Variants in HTRA3 observed in about 807,000 individuals in gnomAD.
HTRA3 encodes HtrA serine peptidase 3, also known as serine protease HTRA3.
HTRA3 carries 41 observed loss-of-function variants against 43.2 expected under a neutral mutation model. The observed-to-expected ratio is 0.95, with a 90% CI of 0.74 to 1.23. The LOEUF is 1.23. Among genes scored for constraint, HTRA3 ranks in the 50% most tolerant of loss-of-function variants. HTRA3 has a pLI of 0.00. For missense variants in HTRA3, 628 were observed against 647.1 expected (o/e 0.97, Z 0.32); for synonymous variants, 295 against 287.9 (o/e 1.02, Z -0.25).
At chr4:8,275,395 C>T (rs573582100) in intron 1 of HTRA3, among the ~76,000 whole-genome samples, 74 of 152,326 alleles carry the variant, frequency 4.9e-4, no homozygotes, top group African/African-American at 1.7e-3. Flanking sequence ...TCCTGGCAGG[C>T]TCGCAGGCTT....
intron 1 of HTRA3, among the ~76,000 whole-genome samples, chr4:8,278,605 G>A (rs947290413): frequency 1.3e-5 from 2 of 152,120 alleles, no homozygotes; most frequent in Non-Finnish European, 2.9e-5. Flanking sequence ...ATTCATCTGC[G>A]TGTTGGGAGG....
Position 8,295,968 on chromosome 4 carries a change from C to T in HTRA3, c.1051+1767C>T, listed in dbSNP as rs894645507. The T allele has an allele frequency of 8.3e-7, 1 of 1,210,908 alleles. No individual in the cohort carries two copies. The highest frequency in any genetic ancestry group is 1.6e-5 in the African/African-American group (1 of 63,970). 75.0% of individuals were successfully genotyped at this position (1,210,908 alleles called of 1,614,324 possible). A position where few individuals can be genotyped will look rare whatever the true frequency, so the allele number is the denominator to read the frequency against. On this transcript the variant is annotated intron_variant, in intron 6 of 8. Coordinates refer to ENST00000307358, the MANE Select transcript of HTRA3 (RefSeq NM_053044.5). The surrounding 1 kb of genome is among the most constrained non-coding windows in gnomAD (Gnocchi z 6.9). ...ACCATCTAATCTCTTGAGCCCTTTT[C>T]CTGTTGGCTTCTAGGAAGCTCAGAG...
At chr4:8,274,231 C>A (rs539793786) in intron 1 of HTRA3, among the ~76,000 whole-genome samples, 2 of 152,376 alleles carry the variant, frequency 1.3e-5, no homozygotes, top group South Asian at 4.1e-4. Flanking sequence ...CCTTTGCACG[C>A]AATGTGCCCA....
intron 6 of HTRA3, among the ~76,000 whole-genome samples, chr4:8,301,882 A>G (rs1451485654): frequency 6.6e-6 from 1 of 152,192 alleles, no homozygotes; most frequent in Non-Finnish European, 1.5e-5. Flanking sequence ...ATAAAATGAA[A>G]ATTCTAAATT....
Position 8,306,246 on chromosome 4 carries a change from T to TCCTGCTGTCCGGGGCAG in HTRA3, c.*113_*114insGCTGTCCGGGGCAGCCT. 8.4e-7 allele frequency: 1 copy of TCCTGCTGTCCGGGGCAG among 1,184,108 alleles called. No individual in the cohort carries two copies. Among genetic ancestry groups the TCCTGCTGTCCGGGGCAG allele is most frequent in the Non-Finnish European group, 1.1e-6 (1 of 871,704 alleles). The allele number at this position is 1,184,108 out of a possible 1,614,324, so 73.4% of individuals were successfully genotyped here. On this transcript the variant is annotated 3_prime_UTR_variant, in exon 9 of 9. Coordinates refer to ENST00000307358, the MANE Select transcript of HTRA3 (RefSeq NM_053044.5). The surrounding 1 kb of genome is among the most constrained non-coding windows in gnomAD (Gnocchi z 8.9). The stretch of plus-strand genomic sequence containing the variant: ...GTCGGTCCTCAGCAGGGCGGCAGCC[T>TCCTGCTGTCCGGGGCAG]CCTCCTGGCTGTCCGGGGCAGAGCG...
intron 1 of HTRA3, among the ~76,000 whole-genome samples, chr4:8,280,107 G>A (rs1349125832): frequency 1.3e-5 from 2 of 152,220 alleles, no homozygotes; most frequent in African/African-American, 4.8e-5. Context: ...GTCGTGCAGG[G>A]GGAGGTGTAG....
Position 8,292,325 on chromosome 4 carries a change from G to T in HTRA3, c.908G>T (p.Gly303Val). Residue 303 changes from glycine to valine, a missense_variant, in exon 5 of 9, where the codon GGG (glycine) becomes GTG (valine). Transcript: ENST00000307358. The stretch of plus-strand genomic sequence containing the variant: ...TGCTGTTTCCTCCCCTTGCAGTACG[G>T]GAACTCCGGGGGACCACTGGTGAAC... ...YIQTDAIINY[G>V]NSGGPLVNLD... 6.2e-7 allele frequency: 1 copy of T among 1,613,192 alleles called. No homozygotes were observed. The highest frequency in any genetic ancestry group is 8.5e-7 in the Non-Finnish European group (1 of 1,179,658).
chr4:8,302,179 G>A (rs1315724665), intron 6 of HTRA3, among the ~76,000 whole-genome samples: 1 of 152,202 alleles, frequency 6.6e-6, no homozygotes, highest in Non-Finnish European at 1.5e-5. Context: ...AGCTCAGCTG[G>A]GAGAGCAGAT....
chr4:8,285,242 G>A (rs190106103), intron 2 of HTRA3, among the ~76,000 whole-genome samples: 2 of 152,314 alleles, frequency 1.3e-5, no homozygotes, highest in East Asian at 1.9e-4. Flanking sequence ...AGTCACATGG[G>A]GTTAGGACTT....
Position 8,306,295 on chromosome 4 carries a change from C to T in HTRA3, c.*159C>T, listed in dbSNP as rs1327570357. ...CGGAGGCTGGGCTTGGCCAGGGGCCCGAATTTCCGCCTGGGGAGTGTTGGA... is the reference window on the plus strand; with the variant it reads ...CGGAGGCTGGGCTTGGCCAGGGGCCTGAATTTCCGCCTGGGGAGTGTTGGA... On this transcript the variant is annotated 3_prime_UTR_variant, in exon 9 of 9. Coordinates refer to ENST00000307358, the MANE Select transcript of HTRA3 (RefSeq NM_053044.5). This position sits in a 1 kb window ranked among gnomAD's most constrained non-coding sequence, Gnocchi z 8.9. The T allele has an allele frequency of 9.9e-6, 7 of 710,446 alleles. No homozygotes were observed. The highest frequency in any genetic ancestry group is 2.2e-5 in the South Asian group (1 of 46,182). The allele number at this position is 710,446 out of a possible 1,614,324, so 44.0% of individuals were successfully genotyped here. A position where few individuals can be genotyped will look rare whatever the true frequency, so the allele number is the denominator to read the frequency against.
At chr4:8,304,116 G>A (rs1317682047) in intron 7 of HTRA3, 68 bp from the exon 8 acceptor site, 5 of 1,296,508 alleles carry the variant, frequency 3.9e-6, no homozygotes, top group Admixed American at 1.8e-5. Flanking sequence ...AGGGAGGGAG[G>A]GGCAGCTTCA....
At chr4:8,283,346 C>A (rs1712833262) in intron 2 of HTRA3, among the ~76,000 whole-genome samples, 1 of 152,198 alleles carries the variant, frequency 6.6e-6, no homozygotes, top group African/African-American at 2.4e-5. Context: ...AAGCCTCCTC[C>A]CCTTCTTCCC....
Position 8,306,164 on chromosome 4 carries a change from C to A in HTRA3, c.*28C>A. The A allele has an allele frequency of 6.5e-7, 1 of 1,539,886 alleles. No homozygotes were observed. The highest frequency in any genetic ancestry group is 1.4e-5 in the African/African-American group (1 of 73,108). On this transcript the variant is annotated 3_prime_UTR_variant, in exon 9 of 9. Transcript: ENST00000307358. This position sits in a 1 kb window ranked among gnomAD's most constrained non-coding sequence, Gnocchi z 8.9. Reference sequence around the variant, plus strand: ...GGCGCATTCCTCCAGCGCCAAGCGTCAGAGCCTGCAGACAACGGAGGGCAG... The same window carrying A: ...GGCGCATTCCTCCAGCGCCAAGCGTAAGAGCCTGCAGACAACGGAGGGCAG...
At chr4:8,276,353 G>A (rs1005354812) in intron 1 of HTRA3, among the ~76,000 whole-genome samples, 3 of 152,260 alleles carry the variant, frequency 2.0e-5, no homozygotes, top group African/African-American at 7.2e-5. Flanking sequence ...TTTGCACGGT[G>A]CCGGGCTCAT....
rs1298198903 is a variant in HTRA3 at position 8,302,384 on chromosome 4, G to A, written c.1052-79G>A. Reference sequence around the variant, plus strand: ...TTCCTGGTCCTGCAGGGGAACTTCTGTCCTCTGCCTGTCCCCTGAGGGAGC... The same window carrying A: ...TTCCTGGTCCTGCAGGGGAACTTCTATCCTCTGCCTGTCCCCTGAGGGAGC... On this transcript the variant is annotated intron_variant, in intron 6 of 8. Transcript: ENST00000307358. 13 of 1,337,942 alleles carry A rather than the reference G, an allele frequency of 9.7e-6. No homozygotes were observed. The African/African-American group carries it at 1.0e-4, about 10-fold the overall frequency. The allele number at this position is 1,337,942 out of a possible 1,614,324, so 82.9% of individuals were successfully genotyped here.
intron 1 of HTRA3, among the ~76,000 whole-genome samples, chr4:8,274,507 C>G (rs930271543): frequency 6.6e-6 from 1 of 152,254 alleles, no homozygotes; most frequent in African/African-American, 2.4e-5. Context: ...GTAGATGACA[C>G]GAAATGAGAC....
Position 8,269,909 on chromosome 4 carries a change from T to A in HTRA3, c.-60T>A. On this transcript the variant is annotated 5_prime_UTR_variant, in exon 1 of 9. In the 5' UTR this introduces an upstream ATG that the reference lacks. Coordinates refer to ENST00000307358, the MANE Select transcript of HTRA3 (RefSeq NM_053044.5). ...GGCGCCCGGCCCCGCAGCGGCCTCG[T>A]TGTCCCCGCCGGCCCCCGCCCGGTC... 3 of 858,990 alleles carry A rather than the reference T, an allele frequency of 3.5e-6. No homozygotes were observed. Among genetic ancestry groups the A allele is most frequent in the Non-Finnish European group, 4.2e-6 (3 of 709,692 alleles). 53.2% of individuals were successfully genotyped at this position (858,990 alleles called of 1,614,324 possible).
rs1273076266 is a variant in HTRA3, at chr4:8,297,186, GCAGGAGCAGGGC to G, written c.1051+2996_1051+3007del. Among the ~76,000 whole-genome samples the G allele has an allele frequency of 6.6e-6, 1 of 152,038 alleles. No homozygotes were observed. The highest frequency in any genetic ancestry group is 1.5e-5 in the Non-Finnish European group (1 of 67,988). ...CTGGGGAAGGCAGCCCAGCCACCTG[GCAGGAGCAGGGC>G]CAGGAGCAGGACGGGCAGGGAGGCT... On this transcript the variant is annotated intron_variant, in intron 6 of 8. Transcript: ENST00000307358. The surrounding 1 kb of genome is among the most constrained non-coding windows in gnomAD (Gnocchi z 5.8).
intron 4 of HTRA3, among the ~76,000 whole-genome samples, chr4:8,291,858 G>A (rs1486508629): frequency 6.6e-6 from 1 of 152,168 alleles, no homozygotes; most frequent in East Asian, 1.9e-4. Flanking sequence ...TACACACCCT[G>A]GCCAACATTG....
Sources: gnomAD v4.1 joint callset for allele counts (sites outside exome capture counted in the v4.1 genomes callset) on GRCh38, gnomAD v4.1.1 for gene constraint, Gnocchi (gnomAD v3.1) non-coding constraint, MANE v1.5 for transcripts, NCBI Gene and HGNC (gene_info 2026-07-23, HGNC 2026-07-21) for gene names.